Variants in VSX2 observed in about 807,000 individuals in gnomAD.
VSX2 encodes the protein visual system homeobox 2.
VSX2 carries 28 observed loss-of-function variants against 32.1 expected under a neutral mutation model. The ratio of observed to expected loss-of-function variants is 0.87; its 90% confidence interval spans 0.65 to 1.20. The LOEUF (loss-of-function observed/expected upper bound fraction) is 1.20, where lower values mean the gene tolerates loss of function less well. Among genes scored for constraint, VSX2 ranks in the 50% most tolerant of loss-of-function variants. The pLI is 0.00. For missense variants in VSX2, 506 were observed against 488.7 expected (o/e 1.04, Z -0.33); for synonymous variants, 243 against 214.1 (o/e 1.14, Z -1.18).
rs184863250 is a variant in VSX2, at chr14:74,246,528, C to T, written c.579+1240C>T. On this transcript the variant is annotated intron_variant, in intron 3 of 4. Transcript: ENST00000261980. ...AGCAGATTATGTTTGGTGCATTATC[C>T]ATGGGGGCCTGGACCCATTACCCTC... 6.6e-5 allele frequency among the ~76,000 whole-genome samples: 10 copies of T among 152,302 alleles called. No homozygotes were observed. The East Asian group carries it at 1.9e-3, about 29-fold the overall frequency.
intron 2 of VSX2, 105 bp from the exon 3 acceptor site, chr14:74,245,060 G>T: frequency 1.4e-6 from 2 of 1,480,130 alleles, no homozygotes; most frequent in African/African-American, 1.4e-5. Context: ...AGCCAGCCTG[G>T]GTTCGGGGCC....
At chr14:74,248,151 C>T (rs1481037539) in intron 3 of VSX2, among the ~76,000 whole-genome samples, 1 of 152,028 alleles carries the variant, frequency 6.6e-6, no homozygotes, top group South Asian at 2.1e-4. Flanking sequence ...AGCCAGCCCC[C>T]TCCCAGCCTA....
chr14:74,251,596 T>A (rs974630630), intron 3 of VSX2, among the ~76,000 whole-genome samples: 9 of 151,966 alleles, frequency 5.9e-5, no homozygotes, highest in African/African-American at 1.9e-4. Context: ...CTGTTCTGAG[T>A]GGGTTAATAT....
chr14:74,250,952 G>A (rs538960476), intron 3 of VSX2, among the ~76,000 whole-genome samples: 4 of 151,852 alleles, frequency 2.6e-5, no homozygotes, highest in African/African-American at 9.7e-5. Context: ...AAACCCCAGG[G>A]CAGATTTTTA....
intron 3 of VSX2, among the ~76,000 whole-genome samples, chr14:74,248,594 G>A (rs1182507711): frequency 6.6e-6 from 1 of 152,002 alleles, no homozygotes. Flanking sequence ...AAGAAGCTGA[G>A]ATGGGAGGAC....
Position 74,261,240 on chromosome 14 carries a change from C to A in VSX2, c.*321C>A, listed in dbSNP as rs1465817728. ...TTTTGGCCACCCCTTGCTCTCTGTTCTCTTGCTTTAAAGAGTCCTCCTTCC... is the reference window on the plus strand; with the variant it reads ...TTTTGGCCACCCCTTGCTCTCTGTTATCTTGCTTTAAAGAGTCCTCCTTCC... On this transcript the variant is annotated 3_prime_UTR_variant, in exon 5 of 5. Transcript: ENST00000261980. The A allele has an allele frequency of 7.6e-6, 3 of 397,308 alleles. No homozygotes were observed. The East Asian group carries it at 1.2e-4, about 16-fold the overall frequency. The allele number at this position is 397,308 out of a possible 1,614,324, so 24.6% of individuals were successfully genotyped here.
chr14:74,250,933 C>A (rs1448632151), intron 3 of VSX2, among the ~76,000 whole-genome samples: 1 of 151,664 alleles, frequency 6.6e-6, no homozygotes. Context: ...AGGCGTGAGC[C>A]ACCGCGCCAA....
In VSX2 at chr14:74,255,327, A is replaced by G. The variant is rs115870378; in HGVS notation, c.580-4275A>G. ...TTCCTTGTCCACTTCCCTCCAAGGCACCATTGCCATAGCATCCTTGCCAAC... is the reference window on the plus strand; with the variant it reads ...TTCCTTGTCCACTTCCCTCCAAGGCGCCATTGCCATAGCATCCTTGCCAAC... On this transcript the variant is annotated intron_variant, in intron 3 of 4. Coordinates refer to ENST00000261980, the MANE Select transcript of VSX2 (RefSeq NM_182894.3). 2.5e-3 allele frequency among the ~76,000 whole-genome samples: 374 copies of G among 152,310 alleles called. 2 individuals are homozygous for G. Among genetic ancestry groups the G allele is most frequent in the African/African-American group, 7.9e-3 (329 of 41,570 alleles).
chr14:74,259,956 C>T (rs1010404346), intron 4 of VSX2, among the ~76,000 whole-genome samples, 174 bp downstream of exon 4: 1 of 152,182 alleles, frequency 6.6e-6, no homozygotes, highest in Non-Finnish European at 1.5e-5. Context: ...CAGGGTGGGC[C>T]TGGGGCCTGG....
chr14:74,256,351 A>C (rs1027234773), intron 3 of VSX2, among the ~76,000 whole-genome samples: 1 of 152,184 alleles, frequency 6.6e-6, no homozygotes, highest in Non-Finnish European at 1.5e-5. Flanking sequence ...GAATTGCTTG[A>C]ATGCGGAAGG....
intron 2 of VSX2, among the ~76,000 whole-genome samples, chr14:74,243,409 G>A (rs1265929449): frequency 6.6e-6 from 1 of 152,146 alleles, no homozygotes; most frequent in Non-Finnish European, 1.5e-5. Flanking sequence ...TCAGCTCTGA[G>A]GCATGAATTA....
chr14:74,245,065 G>T, intron 2 of VSX2, 100 bp from the exon 3 acceptor site: 2 of 1,535,636 alleles, frequency 1.3e-6, no homozygotes, highest in East Asian at 2.3e-5. Flanking sequence ...GCCTGGGTTC[G>T]GGGCCTGCCC....
At position 74,262,221 on chromosome 14, in the gene VSX2, G is replaced by A. The variant is rs8020424; in HGVS notation, c.*1302G>A. On this transcript the variant is annotated 3_prime_UTR_variant, in exon 5 of 5. Coordinates refer to ENST00000261980, the MANE Select transcript of VSX2 (RefSeq NM_182894.3). ...AAGCACGTTCACTAGACTAAAACACGGTAACCATGATGGAATAAGGAGCTG... is the reference window on the plus strand; with the variant it reads ...AAGCACGTTCACTAGACTAAAACACAGTAACCATGATGGAATAAGGAGCTG... The A allele has an allele frequency of 0.068, 10,287 of 152,390 alleles. 893 individuals are homozygous for A. The highest frequency in any genetic ancestry group is 0.2 in the African/African-American group (8,208 of 41,530). 9.4% of individuals were successfully genotyped at this position (152,390 alleles called of 1,614,324 possible).
chr14:74,260,726 A>G lies in VSX2; in HGVS notation c.893A>G (p.Gln298Arg). 6.3e-7 allele frequency: 1 copy of G among 1,593,302 alleles called. No individual in the cohort carries two copies. Among genetic ancestry groups the G allele is most frequent in the East Asian group, 2.3e-5 (1 of 44,114 alleles). The change falls in exon 5 of 5, where the codon CAG becomes CGG. Residue 298 changes from glutamine (Q) to arginine (R), a missense_variant. Transcript: ENST00000261980. The stretch of plus-strand genomic sequence containing the variant: ...CCCGACGCTCAGGCGGCCATCTCCC[A>G]GGAGGAACTGAGGGAGAACAGCATT... ...RGPDAQAAIS[Q>R]EELRENSIAV... is the part of the protein sequence containing the mutation.
intron 3 of VSX2, among the ~76,000 whole-genome samples, chr14:74,251,080 C>T (rs1436286857): frequency 6.6e-6 from 1 of 151,678 alleles, no homozygotes; most frequent in African/African-American, 2.4e-5. Flanking sequence ...TTTGGGAGGC[C>T]GAGGCGGGTG....
At chr14:74,253,012 G>A (rs1019264859) in intron 3 of VSX2, among the ~76,000 whole-genome samples, 5 of 141,784 alleles carry the variant, frequency 3.5e-5, no homozygotes, top group Non-Finnish European at 7.5e-5. Context: ...TCGTGCCACT[G>A]CACCCCAGCC....
chr14:74,256,381 A>T (rs2079262923), intron 3 of VSX2, among the ~76,000 whole-genome samples: 1 of 152,196 alleles, frequency 6.6e-6, no homozygotes, highest in Non-Finnish European at 1.5e-5. Context: ...CAGTGAGCCA[A>T]TGTCACACCA....
intron 2 of VSX2, among the ~76,000 whole-genome samples, chr14:74,241,686 T>C (rs2079151393): frequency 1.3e-5 from 2 of 152,144 alleles, no homozygotes. Context: ...CCCATTTCTC[T>C]CCCGGGGTCC....
chr14:74,243,995 G>A (rs529016800), intron 2 of VSX2, among the ~76,000 whole-genome samples: 75 of 152,310 alleles, frequency 4.9e-4, no homozygotes, highest in Non-Finnish European at 8.4e-4. Flanking sequence ...TATATTGCCT[G>A]TTGGCTTGTT....
Sources: allele counts gnomAD v4.1 joint callset (sites outside exome capture counted in the v4.1 genomes callset), GRCh38; gene constraint gnomAD v4.1.1; transcripts MANE v1.5; gene names NCBI Gene and HGNC (gene_info 2026-07-23, HGNC 2026-07-21).